The following TNNI3K variants were observed in gnomAD, a reference collection of about 807,000 sequenced individuals.
The protein encoded by TNNI3K is serine/threonine-protein kinase TNNI3K.
In TNNI3K, 140 loss-of-function variants were observed where a neutral mutation model predicts 114.5. That is an observed-to-expected ratio of 1.22 (90% CI 1.07 to 1.41). The LOEUF is 1.41. Among genes scored for constraint, TNNI3K ranks in the 40% most tolerant of loss-of-function variants. TNNI3K has a pLI of 0.00. For synonymous variants in TNNI3K, 347 were observed against 347.5 expected, an observed-to-expected ratio of 1.00 and a Z score of 0.02; for missense variants, 1,125 against 1,007.6, an observed-to-expected ratio of 1.12 and a Z score of -1.58.
At chr1:74,485,479 C>T (rs992378023) in intron 21 of TNNI3K, among the ~76,000 whole-genome samples, 5 of 152,128 alleles carry the variant, frequency 3.3e-5, no homozygotes, top group Non-Finnish European at 5.9e-5. Context: ...TTCTCTACTG[C>T]GTATTTGTGA....
chr1:74,294,936 A>AT (rs1047836657), intron 5 of TNNI3K, among the ~76,000 whole-genome samples: 1 of 151,024 alleles, frequency 6.6e-6, no homozygotes, highest in Admixed American at 6.6e-5. Flanking sequence ...ATAACTTGGA[A>AT]TTTTTTCTAA....
intron 20 of TNNI3K, among the ~76,000 whole-genome samples, chr1:74,450,287 C>G (rs531386555): frequency 6.6e-6 from 1 of 151,588 alleles, no homozygotes; most frequent in African/African-American, 2.4e-5. Context: ...GCACTAAATG[C>G]CCACAAGAGA....
chr1:74,409,513 A>C (rs1328349523), intron 17 of TNNI3K, among the ~76,000 whole-genome samples: 1 of 82,076 alleles, frequency 1.2e-5, no homozygotes, highest in African/African-American at 5.4e-5. Context: ...TTTTTTTTTG[A>C]GATGGGGTCT....
intron 21 of TNNI3K, among the ~76,000 whole-genome samples, chr1:74,481,804 G>A (rs1354711900): frequency 1.3e-5 from 2 of 152,128 alleles, no homozygotes; most frequent in Non-Finnish European, 2.9e-5. Flanking sequence ...TGCTAACATT[G>A]TTTTGACTGC....
chr1:74,333,885 T>A (rs1156281135), intron 6 of TNNI3K, among the ~76,000 whole-genome samples: 4 of 152,210 alleles, frequency 2.6e-5, no homozygotes, highest in African/African-American at 9.6e-5. Context: ...ATATGGAGTC[T>A]GTGTAAGTGG....
chr1:74,314,304 A>G (rs1659173920), intron 5 of TNNI3K, among the ~76,000 whole-genome samples: 1 of 151,872 alleles, frequency 6.6e-6, no homozygotes, highest in Admixed American at 6.6e-5. Flanking sequence ...CAAAACTTTC[A>G]AGGTGTTTTC....
chr1:74,492,889 G>A (rs551873231), intron 23 of TNNI3K, among the ~76,000 whole-genome samples: 2 of 152,278 alleles, frequency 1.3e-5, no homozygotes, highest in South Asian at 4.1e-4. Context: ...CCAAGATCAG[G>A]TTCAGCATGG....
Position 74,544,239 on chromosome 1 carries a change from A to T in TNNI3K, c.*257A>T. ...TTTTGTAAATTAAAAAAAAATTTAGATCGTTACTTGGAAATGGAGCCTAAG... is the reference window on the plus strand; with the variant it reads ...TTTTGTAAATTAAAAAAAAATTTAGTTCGTTACTTGGAAATGGAGCCTAAG... On this transcript the variant is annotated 3_prime_UTR_variant, in exon 25 of 25. Coordinates refer to ENST00000326637, the MANE Select transcript of TNNI3K (RefSeq NM_015978.3). The T allele has an allele frequency of 2.5e-6, 1 of 392,246 alleles. No individual in the cohort carries two copies. 24.3% of individuals were successfully genotyped at this position (392,246 alleles called of 1,614,324 possible). A position where few individuals can be genotyped will look rare whatever the true frequency, so the allele number is the denominator to read the frequency against.
intron 4 of TNNI3K, among the ~76,000 whole-genome samples, chr1:74,257,824 C>A (rs12060877): frequency 6.6e-6 from 1 of 151,870 alleles, no homozygotes; most frequent in Non-Finnish European, 1.5e-5. Context: ...CCCGCCACCA[C>A]GCCCGGCTAA....
Position 74,271,831 on chromosome 1 carries a change from C to A in TNNI3K, c.444+123C>A, listed in dbSNP as rs562312916. 1.8e-4 allele frequency: 129 copies of A among 709,176 alleles called. No individual in the cohort carries two copies. In the African/African-American group the frequency reaches 2.2e-3, roughly 12 times the overall value. The allele number at this position is 709,176 out of a possible 1,614,324, so 43.9% of individuals were successfully genotyped here. A position where few individuals can be genotyped will look rare whatever the true frequency, so the allele number is the denominator to read the frequency against. ...GTTGGTTTATTTTTTAGCTACTGAACACATTGGGGTAAAATTTAGCTGTAT... is the reference window on the plus strand; with the variant it reads ...GTTGGTTTATTTTTTAGCTACTGAAAACATTGGGGTAAAATTTAGCTGTAT... On this transcript the variant is annotated intron_variant, in intron 5 of 24. Transcript: ENST00000326637.
At chr1:74,442,289 C>T (rs1391897508) in intron 20 of TNNI3K, among the ~76,000 whole-genome samples, 1 of 151,958 alleles carries the variant, frequency 6.6e-6, no homozygotes, top group Non-Finnish European at 1.5e-5. Context: ...TATGTATGCA[C>T]TTATTTCCAA....
Position 74,342,945 on chromosome 1 carries a change from A to T in TNNI3K, c.786A>T (p.Gln262His), listed in dbSNP as rs1660821790. 6.2e-7 allele frequency: 1 copy of T among 1,613,912 alleles called. No individual in the cohort carries two copies. The highest frequency in any genetic ancestry group is 1.3e-5 in the African/African-American group (1 of 75,032). The stretch of plus-strand genomic sequence containing the variant: ...TGCTGCAAAGTGATTTGGAAGTTCA[A>T]CCTCATGTTGTTAATATCTATGGAG... The part of the protein sequence containing the change: ...KYLLQSDLEV[Q>H]PHVVNIYGDT... The change falls in exon 8 of 25, where the codon CAA (glutamine) becomes CAT (histidine). Residue 262 changes from glutamine to histidine, a missense_variant. Gln to His is a conservative substitution (Grantham distance 24). Coordinates refer to ENST00000326637, the MANE Select transcript of TNNI3K (RefSeq NM_015978.3).
chr1:74,501,892 A>T (rs538846351), intron 23 of TNNI3K, among the ~76,000 whole-genome samples: 106 of 152,060 alleles, frequency 7.0e-4, no homozygotes, highest in African/African-American at 2.4e-3. Flanking sequence ...ATATATATAC[A>T]TTTTCTTTTT....
chr1:74,448,216 T>A (rs1372321552), intron 20 of TNNI3K, among the ~76,000 whole-genome samples: 7 of 105,212 alleles, frequency 6.7e-5, no homozygotes, highest in African/African-American at 2.5e-4. Context: ...CATATGTAAC[T>A]AACCTGCACA....
chr1:74,535,054 T>C (rs1267215014), intron 23 of TNNI3K, among the ~76,000 whole-genome samples: 1 of 152,144 alleles, frequency 6.6e-6, no homozygotes, highest in Non-Finnish European at 1.5e-5. Context: ...CATTCAGCCC[T>C]GGCCAAATGT....
Position 74,469,628 on chromosome 1 carries a change from T to C in TNNI3K, c.2121+6078T>C, listed in dbSNP as rs193020368. On this transcript the variant is annotated intron_variant, in intron 21 of 24. Transcript: ENST00000326637. ...CTTTTGCAAGACTTGGCAAAACTTT[T>C]CTTACTTGTTTTTTCATTCCTTAGA... is the stretch of plus-strand genomic sequence containing the variant. 2,910 of 334,114 alleles carry C rather than the reference T, an allele frequency of 8.7e-3. 22 individuals carry two copies. Among genetic ancestry groups the C allele is most frequent in the Non-Finnish European group, 0.012 (2,180 of 186,336 alleles). 20.7% of individuals were successfully genotyped at this position (334,114 alleles called of 1,614,324 possible). A position where few individuals can be genotyped will look rare whatever the true frequency, so the allele number is the denominator to read the frequency against.
intron 23 of TNNI3K, among the ~76,000 whole-genome samples, chr1:74,537,572 A>G (rs975300596): frequency 6.6e-6 from 1 of 152,216 alleles, no homozygotes; most frequent in African/African-American, 2.4e-5. Context: ...AATTTTATTT[A>G]ATTTAACATA....
rs17095508 is a variant in TNNI3K at position 74,520,365 on chromosome 1, C to T, written c.2352-19869C>T. On this transcript the variant is annotated intron_variant, in intron 23 of 24. Transcript: ENST00000326637. ...TTTTCTGAAGAATTTGAGACTACTT[C>T]GCGTGAGTTCCACCACCTTTCTTCC... Among the ~76,000 whole-genome samples the T allele has an allele frequency of 8.3e-3, 1,262 of 152,160 alleles. 19 individuals carry two copies. Among genetic ancestry groups the T allele is most frequent in the African/African-American group, 0.028 (1,161 of 41,494 alleles).
rs45566834 is a variant in TNNI3K, at chr1:74,311,123, C to T, written c.445-20327C>T. On this transcript the variant is annotated intron_variant, in intron 5 of 24. Transcript: ENST00000326637. ...TTTTATTGTTTTTGCAGTTAACCTC[C>T]GGCTGCAAGGATCATTACTTTTGAA... Among the ~76,000 whole-genome samples the T allele has an allele frequency of 2.1e-3, 313 of 152,188 alleles. 1 individual carries two copies. Among genetic ancestry groups the T allele is most frequent in the Middle Eastern group, 0.01 (3 of 294 alleles).
Sources: gnomAD v4.1 joint callset for allele counts (sites outside exome capture counted in the v4.1 genomes callset) on GRCh38, gnomAD v4.1.1 for gene constraint, MANE v1.5 for transcripts, NCBI Gene and HGNC (gene_info 2026-07-23, HGNC 2026-07-21) for gene names.